The following NEBL variants were observed in gnomAD, a reference collection of about 807,000 sequenced individuals.
The protein encoded by NEBL is LIM and SH3 protein 2.
A neutral mutation model predicts 140.2 loss-of-function variants in NEBL; 122 were observed. The ratio of observed to expected loss-of-function variants is 0.87; its 90% confidence interval spans 0.75 to 1.01. NEBL has a LOEUF of 1.01. NEBL is among the 50% of genes least tolerant of loss of function. The probability of loss-of-function intolerance (pLI) is 0.00; values close to 1 mark genes in which losing one functional copy is unlikely to be tolerated. For missense variants in NEBL, 1,365 were observed against 1,231.3 expected (o/e 1.11, Z -1.62); for synonymous variants, 436 against 398.9 (o/e 1.09, Z -1.11).
At chr10:20,968,093 C>T (rs1451224022) in intron 3 of NEBL, among the ~76,000 whole-genome samples, 1 of 152,134 alleles carries the variant, frequency 6.6e-6, no homozygotes, top group Non-Finnish European at 1.5e-5. Context: ...TTAAATCGGC[C>T]ACTCTGAGTT....
intron 5 of NEBL, among the ~76,000 whole-genome samples, chr10:20,871,194 G>A (rs1046731983): frequency 6.6e-6 from 1 of 152,148 alleles, no homozygotes; most frequent in Non-Finnish European, 1.5e-5. Context: ...ATTACATTGT[G>A]TACAAATATT....
At chr10:21,070,209 T>C (rs1835755987) in intron 2 of NEBL, among the ~76,000 whole-genome samples, 1 of 152,164 alleles carries the variant, frequency 6.6e-6, no homozygotes, top group South Asian at 2.1e-4. Context: ...CTAGGATTGT[T>C]AATGCCCTTG....
chr10:20,823,079 A>G (rs1196929965), intron 19 of NEBL, 129 bp downstream of exon 19: 8 of 669,676 alleles, frequency 1.2e-5, no homozygotes, highest in Admixed American at 2.4e-5. Context: ...TGCTAGCTCC[A>G]CTTTTAAGGA....
intron 2 of NEBL, among the ~76,000 whole-genome samples, chr10:21,091,861 G>A (rs1836927871): frequency 6.6e-6 from 1 of 152,108 alleles, no homozygotes. Flanking sequence ...TGAACTCCTG[G>A]ACTCAAGCAA....
intron 2 of NEBL, among the ~76,000 whole-genome samples, chr10:21,102,291 T>C (rs114444220): frequency 0.015 from 2,211 of 152,316 alleles, 44 homozygotes; most frequent in African/African-American, 0.05. Flanking sequence ...GCTCACAATA[T>C]AATGCATATA....
At chr10:20,968,693 A>C (rs1225374918) in intron 3 of NEBL, among the ~76,000 whole-genome samples, 1 of 152,222 alleles carries the variant, frequency 6.6e-6, no homozygotes, top group African/African-American at 2.4e-5. Flanking sequence ...ACAGAAGCCT[A>C]AAATCTCAGG....
intron 3 of NEBL, among the ~76,000 whole-genome samples, chr10:21,211,568 A>G (rs1415604994): frequency 2.0e-5 from 3 of 152,170 alleles, no homozygotes; most frequent in Non-Finnish European, 4.4e-5. Flanking sequence ...CTCTCCAGTT[A>G]ACTGGAGAAA....
intron 3 of NEBL, among the ~76,000 whole-genome samples, chr10:21,200,515 T>C (rs1841718131): frequency 6.6e-6 from 1 of 151,976 alleles, no homozygotes; most frequent in Admixed American, 6.6e-5. Flanking sequence ...GGTTTCACCA[T>C]ATTGGTCAGG....
intron 4 of NEBL, among the ~76,000 whole-genome samples, chr10:20,922,401 T>C (rs568351449): frequency 6.6e-6 from 1 of 152,316 alleles, no homozygotes; most frequent in East Asian, 1.9e-4. Flanking sequence ...ATGTGTACAG[T>C]GATACTCCAA....
intron 5 of NEBL, among the ~76,000 whole-genome samples, chr10:20,876,377 G>A (rs1157026195): frequency 6.6e-6 from 1 of 152,066 alleles, no homozygotes; most frequent in East Asian, 1.9e-4. Flanking sequence ...TCTTAGAGAT[G>A]AATAAAACAC....
intron 4 of NEBL, among the ~76,000 whole-genome samples, chr10:20,955,929 A>C (rs1835780184): frequency 6.6e-6 from 1 of 151,524 alleles, no homozygotes. Flanking sequence ...AAAAAAAGTC[A>C]TATGTGTTAA....
chr10:20,823,085 A>T, intron 19 of NEBL, 123 bp downstream of exon 19: 1 of 702,366 alleles, frequency 1.4e-6, no homozygotes, highest in Non-Finnish European at 2.4e-6. Context: ...CTCCACTTTT[A>T]AGGAACCGAT....
At chr10:21,004,281 T>C (rs1206775379) in intron 3 of NEBL, among the ~76,000 whole-genome samples, 1 of 152,036 alleles carries the variant, frequency 6.6e-6, no homozygotes, top group Non-Finnish European at 1.5e-5. Context: ...AAATGCATCA[T>C]TAATAAAAAA....
chr10:20,872,048 T>C (rs1355018771), intron 5 of NEBL, among the ~76,000 whole-genome samples: 1 of 152,212 alleles, frequency 6.6e-6, no homozygotes, highest in Non-Finnish European at 1.5e-5. Flanking sequence ...TCTTTTTGTT[T>C]AGAAAAGAAT....
intron 1 of NEBL, among the ~76,000 whole-genome samples, chr10:21,282,319 C>A (rs1843003039): frequency 6.6e-6 from 1 of 152,086 alleles, no homozygotes; most frequent in Non-Finnish European, 1.5e-5. Context: ...TTATTAGTAC[C>A]TACAATGCAA....
intron 24 of NEBL, among the ~76,000 whole-genome samples, chr10:20,810,278 G>A (rs1838008112): frequency 6.6e-6 from 1 of 151,976 alleles, no homozygotes; most frequent in African/African-American, 2.4e-5. Flanking sequence ...GCTGAAACAA[G>A]CAAAATGTTT....
chr10:20,858,728 C>T (rs1462911865), intron 8 of NEBL, among the ~76,000 whole-genome samples: 1 of 152,120 alleles, frequency 6.6e-6, no homozygotes, highest in Admixed American at 6.5e-5. Context: ...ATCCTATCAC[C>T]ACAGGCTTTT....
intron 2 of NEBL, among the ~76,000 whole-genome samples, chr10:21,071,451 A>T (rs1298761212): frequency 1.3e-5 from 2 of 152,132 alleles, no homozygotes; most frequent in Non-Finnish European, 2.9e-5. Context: ...TCTCTGGACC[A>T]TAAAGCAATT....
At chr10:21,288,839 TATATATATATA>T (rs1564556738) in intron 1 of NEBL, among the ~76,000 whole-genome samples, 2 of 86,574 alleles carry the variant, frequency 2.3e-5, no homozygotes, top group African/African-American at 9.4e-5. Flanking sequence ...TATATATATA[TATATATATATA>T]AAAATTTTTT....
Sources: gnomAD v4.1 joint callset for allele counts (sites outside exome capture counted in the v4.1 genomes callset) on GRCh38, gnomAD v4.1.1 for gene constraint, MANE v1.5 for transcripts, NCBI Gene and HGNC (gene_info 2026-07-23, HGNC 2026-07-21) for gene names.